ADAM18: variants seen among roughly 807,000 people sequenced by gnomAD.
ADAM18 encodes the protein disintegrin and metalloproteinase domain-containing protein 18.
In ADAM18, 117 loss-of-function variants were observed where a neutral mutation model predicts 94.4. That is an observed-to-expected ratio of 1.24 (90% CI 1.07 to 1.45). The LOEUF (loss-of-function observed/expected upper bound fraction) is 1.45, where lower values mean the gene tolerates loss of function less well. ADAM18 is among the 40% of genes most tolerant of loss of function. The pLI, the probability that ADAM18 is intolerant of heterozygous loss-of-function variation, is 0.00. For missense variants in ADAM18, 936 were observed against 880.0 expected (o/e 1.06, Z -0.81); for synonymous variants, 327 against 291.6 (o/e 1.12, Z -1.24).
intron 18 of ADAM18, among the ~76,000 whole-genome samples, chr8:39,714,521 A>G (rs1019796162): frequency 2.6e-5 from 4 of 152,146 alleles, no homozygotes; most frequent in African/African-American, 7.2e-5. Context: ...GTCTACAAGA[A>G]GCACCCTTTA....
chr8:39,667,546 C>T (rs1055490706), intron 13 of ADAM18, among the ~76,000 whole-genome samples: 1 of 152,060 alleles, frequency 6.6e-6, no homozygotes, highest in Non-Finnish European at 1.5e-5. Context: ...GTCTTTTATT[C>T]CAAGCTTACA....
intron 17 of ADAM18, among the ~76,000 whole-genome samples, chr8:39,694,273 G>A (rs1821861662): frequency 6.6e-6 from 1 of 151,038 alleles, no homozygotes; most frequent in South Asian, 2.1e-4. Flanking sequence ...TTTATTTCTA[G>A]TTTGTTTTCT....
chr8:39,722,215 GTGTATATATATATA>G (rs1467165752), intron 18 of ADAM18, among the ~76,000 whole-genome samples: 5 of 68,080 alleles, frequency 7.3e-5, no homozygotes, highest in African/African-American at 2.7e-4. Context: ...GTGTGTGTGT[GTGTATATATATATA>G]TATATATATA....
chr8:39,649,384 A>G (rs1820466020), intron 12 of ADAM18, among the ~76,000 whole-genome samples: 1 of 152,100 alleles, frequency 6.6e-6, no homozygotes, highest in African/African-American at 2.4e-5. Context: ...ATACATGTAT[A>G]TATATATATA....
chr8:39,621,309 TCACACACACACACACACACACACA>T (rs55818122), intron 6 of ADAM18, among the ~76,000 whole-genome samples: 4 of 128,910 alleles, frequency 3.1e-5, no homozygotes, highest in Admixed American at 1.6e-4. Context: ...CATGACAAAA[TCACACACACACACACACACACACA>T]CACACACACA....
At chr8:39,729,543 A>G (rs1242450873) in intron 19 of ADAM18, among the ~76,000 whole-genome samples, 1 of 152,138 alleles carries the variant, frequency 6.6e-6, no homozygotes, top group Non-Finnish European at 1.5e-5. Context: ...AACAAAGTGT[A>G]TAAAACTGAA....
intron 18 of ADAM18, among the ~76,000 whole-genome samples, chr8:39,713,445 C>A (rs1822476202): frequency 6.6e-6 from 1 of 152,080 alleles, no homozygotes; most frequent in South Asian, 2.1e-4. Flanking sequence ...CAAATTGGAT[C>A]TAATTAAACT....
rs74642468 is a variant in ADAM18 at position 39,584,586 on chromosome 8, C to G, written c.-37C>G. 1,737 of 1,610,024 alleles carry G rather than the reference C, an allele frequency of 1.1e-3. 20 individuals are homozygous for G. The African/African-American group carries it at 0.021, about 19-fold the overall frequency. ...CGAGCTCAACGCTGCTCAACGGTCT[C>G]TGTCCTTGGCTGTGGCTCCTGCGCT... On this transcript the variant is annotated 5_prime_UTR_variant, in exon 1 of 20. Coordinates refer to ENST00000265707, the MANE Select transcript of ADAM18 (RefSeq NM_014237.3).
intron 6 of ADAM18, among the ~76,000 whole-genome samples, chr8:39,625,748 G>C (rs1314747320): frequency 6.6e-6 from 1 of 152,016 alleles, no homozygotes; most frequent in East Asian, 1.9e-4. Context: ...ATTATAAAGA[G>C]ATGCTGGATT....
At chr8:39,713,467 G>T (rs1822476925) in intron 18 of ADAM18, among the ~76,000 whole-genome samples, 1 of 152,148 alleles carries the variant, frequency 6.6e-6, no homozygotes, top group Admixed American at 6.6e-5. Flanking sequence ...AAGAGCTTCT[G>T]CATGGCAAAA....
intron 2 of ADAM18, chr8:39,605,682 T>A (rs917132718): frequency 7.5e-5 from 17 of 226,172 alleles, no homozygotes; most frequent in African/African-American, 1.6e-4. Context: ...TATATTTTTT[T>A]AAAAATGTAC....
intron 17 of ADAM18, among the ~76,000 whole-genome samples, chr8:39,695,993 T>C (rs1161435281): frequency 6.6e-6 from 1 of 151,508 alleles, no homozygotes; most frequent in Non-Finnish European, 1.5e-5. Context: ...ATCACCATAT[T>C]ATTTGCCACA....
intron 6 of ADAM18, among the ~76,000 whole-genome samples, chr8:39,620,375 C>CAAAAAAAAAAAAAAAACCA (rs376218269): frequency 3.4e-5 from 3 of 88,794 alleles, no homozygotes; most frequent in Non-Finnish European, 6.1e-5. Context: ...AAAAAAAAAA[C>CAAAAAAAAAAAAAAAACCA]AAAAAAAAAT....
chr8:39,598,975 C>G (rs1267062504), intron 2 of ADAM18, among the ~76,000 whole-genome samples: 2 of 151,892 alleles, frequency 1.3e-5, no homozygotes, highest in Non-Finnish European at 2.9e-5. Flanking sequence ...ACACGCCCGG[C>G]TAATGTTGTA....
intron 16 of ADAM18, among the ~76,000 whole-genome samples, chr8:39,683,813 T>C (rs1268873671): frequency 1.3e-5 from 2 of 152,210 alleles, no homozygotes; most frequent in African/African-American, 4.8e-5. Context: ...GCAAATATTT[T>C]CTCCTACTCT....
chr8:39,645,462 A>G lies in ADAM18; in HGVS notation c.1034A>G (p.Asn345Ser). 1.9e-6 allele frequency: 3 copies of G among 1,610,086 alleles called. No individual in the cohort carries two copies. The highest frequency in any genetic ancestry group is 2.5e-6 in the Non-Finnish European group (3 of 1,178,552). The change falls in exon 11 of 20, where the codon AAT (asparagine) becomes AGT (serine). Residue 345 changes from asparagine (N) to serine (S), a missense_variant. Physicochemically the swap from Asn to Ser is conservative, Grantham distance 46. Transcript: ENST00000265707. ...TGTCTGAGAGCTACATGCATCATGA[A>G]TCATGAAGCAGTGTAAGATGTTTTC... ...CFCLRATCIM[N>S]HEAVSASGRK...
At chr8:39,663,959 T>G in intron 13 of ADAM18, 69 bp downstream of exon 13, 1 of 979,622 alleles carries the variant, frequency 1.0e-6, no homozygotes, top group South Asian at 1.5e-5. Context: ...ACTGAATCAA[T>G]GTGCAATTAA....
intron 2 of ADAM18, among the ~76,000 whole-genome samples, chr8:39,601,681 G>A (rs1185328769): frequency 5.9e-5 from 9 of 151,990 alleles, no homozygotes; most frequent in Non-Finnish European, 1.2e-4. Flanking sequence ...GTACAATAAC[G>A]TACATAAGAT....
At chr8:39,653,293 T>A (rs1820588957) in intron 12 of ADAM18, among the ~76,000 whole-genome samples, 1 of 152,168 alleles carries the variant, frequency 6.6e-6, no homozygotes. Flanking sequence ...TTTGTCGATT[T>A]TTTAAAAAAT....
Sources: allele counts gnomAD v4.1 joint callset (sites outside exome capture counted in the v4.1 genomes callset), GRCh38; gene constraint gnomAD v4.1.1; transcripts MANE v1.5; gene names NCBI Gene and HGNC (gene_info 2026-07-23, HGNC 2026-07-21).